The following ANO3 variants were observed in gnomAD, a reference collection of about 807,000 sequenced individuals.
ANO3 encodes the protein anoctamin 3.
A neutral mutation model predicts 144.8 loss-of-function variants in ANO3; 99 were observed. The ratio of observed to expected loss-of-function variants is 0.68; its 90% CI spans 0.58 to 0.81. The LOEUF (loss-of-function observed/expected upper bound fraction) is 0.81. ANO3 is among the 30% of genes least tolerant of loss of function. ANO3 has a pLI of 0.00. For missense variants in ANO3, 905 were observed against 1,202.2 expected (o/e 0.75, Z 3.66); for synonymous variants, 414 against 392.6 (o/e 1.05, Z -0.64).
rs542342196 is a variant in ANO3 at position 26,457,526 on chromosome 11, GA to G, written c.314-5500del. 1.6e-4 allele frequency among the ~76,000 whole-genome samples: 24 copies of G among 152,068 alleles called. 1 individual carries two copies. The South Asian group carries it at 5.0e-3, about 32-fold the overall frequency. The stretch of plus-strand genomic sequence containing the variant: ...GTGAATTGAATGCAAACAAAAGGAA[GA>G]AAATATATATTTATGTGTTTGAGTA... On this transcript the variant is annotated intron_variant, in intron 3 of 26. Coordinates refer to ENST00000256737, the MANE Select transcript of ANO3 (RefSeq NM_031418.4).
intron 18 of ANO3, among the ~76,000 whole-genome samples, chr11:26,627,877 T>G (rs10430934): frequency 0.35 from 52,547 of 150,056 alleles, 9,783 homozygotes; most frequent in South Asian, 0.48. Flanking sequence ...ATGTTCTGTT[T>G]AATTTTTGGC....
chr11:26,424,578 C>A (rs900264930), intron 1 of ANO3, among the ~76,000 whole-genome samples: 1 of 152,036 alleles, frequency 6.6e-6, no homozygotes, highest in Non-Finnish European at 1.5e-5. Flanking sequence ...CTTGTTCCCC[C>A]CAAAACTCCA....
At chr11:26,624,228 G>T (rs1265473530) in intron 17 of ANO3, among the ~76,000 whole-genome samples, 2 of 151,618 alleles carry the variant, frequency 1.3e-5, no homozygotes, top group African/African-American at 4.9e-5. Context: ...GATTACAAGT[G>T]TATCTACACA....
At chr11:26,192,768 T>C (rs1481328400) in intron 1 of ANO3, among the ~76,000 whole-genome samples, 2 of 152,162 alleles carry the variant, frequency 1.3e-5, no homozygotes, top group African/African-American at 2.4e-5. Flanking sequence ...GTTTTTAATC[T>C]GTTCTGTCTG....
At chr11:26,360,641 G>A (rs1171228621) in intron 1 of ANO3, among the ~76,000 whole-genome samples, 2 of 152,094 alleles carry the variant, frequency 1.3e-5, no homozygotes, top group Non-Finnish European at 2.9e-5. Context: ...GCTTTCTATG[G>A]TGAATTATAT....
intron 6 of ANO3, among the ~76,000 whole-genome samples, chr11:26,517,370 T>A (rs1236681956): frequency 6.6e-6 from 1 of 152,030 alleles, no homozygotes; most frequent in East Asian, 1.9e-4. Flanking sequence ...GTTTCTTAAT[T>A]CTGTCCTCAA....
At chr11:26,413,307 C>CT (rs913029018) in intron 1 of ANO3, among the ~76,000 whole-genome samples, 72 of 147,902 alleles carry the variant, frequency 4.9e-4, no homozygotes, top group South Asian at 1.9e-3. Flanking sequence ...GACATTACTT[C>CT]TTTTTTTTTT....
intron 1 of ANO3, among the ~76,000 whole-genome samples, chr11:26,221,877 G>T (rs1296492980): frequency 2.0e-5 from 3 of 152,114 alleles, no homozygotes; most frequent in Non-Finnish European, 4.4e-5. Context: ...CCACCTCCAT[G>T]ACCTAAATAC....
intron 4 of ANO3, among the ~76,000 whole-genome samples, chr11:26,488,767 A>G (rs144801852): frequency 2.7e-4 from 41 of 152,302 alleles, no homozygotes; most frequent in African/African-American, 9.4e-4. Flanking sequence ...AGCAGCAGCA[A>G]CATTTATCAT....
chr11:26,401,903 T>C (rs1168630197), intron 1 of ANO3, among the ~76,000 whole-genome samples: 1 of 152,016 alleles, frequency 6.6e-6, no homozygotes, highest in African/African-American at 2.4e-5. Context: ...TTCTTGCTGT[T>C]CTGAAATAAA....
chr11:26,457,334 G>GAA (rs57184880), intron 3 of ANO3, among the ~76,000 whole-genome samples: 15,320 of 145,162 alleles, frequency 0.11, 1,006 homozygotes, highest in Non-Finnish European at 0.15. Flanking sequence ...TTTTGACTCT[G>GAA]AAAAAAAAAA....
chr11:26,401,738 A>G (rs10767525), intron 1 of ANO3, among the ~76,000 whole-genome samples: 96,525 of 151,772 alleles, frequency 0.64, 33,380 homozygotes, highest in Admixed American at 0.78. Flanking sequence ...TTAGCCGGAC[A>G]TGGTGGCACA....
Position 26,522,216 on chromosome 11 carries a change from A to AC in ANO3, c.693-3419_693-3418insC, listed in dbSNP as rs111327138. Reference sequence around the variant, plus strand: ...ACAAACAGCAACAACAACAACAACAAAAAAAAAACATTAAGAGCAATCATT... The same window carrying AC: ...ACAAACAGCAACAACAACAACAACAACAAAAAAAACATTAAGAGCAATCATT... On this transcript the variant is annotated intron_variant, in intron 6 of 26. Coordinates refer to ENST00000256737, the MANE Select transcript of ANO3 (RefSeq NM_031418.4). Among the ~76,000 whole-genome samples, 607 of 150,316 alleles carry AC rather than the reference A, an allele frequency of 4.0e-3. 2 individuals are homozygous for AC. Among genetic ancestry groups the AC allele is most frequent in the Middle Eastern group, 6.8e-3 (2 of 294 alleles).
intron 1 of ANO3, among the ~76,000 whole-genome samples, chr11:26,279,693 G>A (rs1327570001): frequency 4.6e-5 from 7 of 152,154 alleles, no homozygotes; most frequent in Non-Finnish European, 7.3e-5. Flanking sequence ...GGGTCTCCCA[G>A]GGAACCAGAA....
rs768351765 is a variant in ANO3 at position 26,559,770 on chromosome 11, G to T, written c.1438G>T (p.Ala480Ser). 3 of 1,595,172 alleles carry T rather than the reference G, an allele frequency of 1.9e-6. No homozygotes were observed. The highest frequency in any genetic ancestry group is 2.2e-5 in the South Asian group (2 of 90,696). Residue 480 changes from alanine (A) to serine (S), a missense_variant, in exon 14 of 27, where the codon GCA becomes TCA. Transcript: ENST00000256737. ...GGTVFFAIFM[A>S]IWATVFLEFW... ...GACAGTCTTCTTTGCTATTTTTATG[G>T]CAATATGGGGTAAGTACTTTCTTCA... is the stretch of plus-strand genomic sequence containing the variant.
chr11:26,588,032 A>G lies in ANO3; in HGVS notation c.1448-10333A>G, dbSNP rs185427734. Among the ~76,000 whole-genome samples, 50 of 151,942 alleles carry G rather than the reference A, an allele frequency of 3.3e-4. 1 individual carries two copies. The highest frequency in any genetic ancestry group is 3.4e-3 in the Middle Eastern group (1 of 290). On this transcript the variant is annotated intron_variant, in intron 14 of 26. Coordinates refer to ENST00000256737, the MANE Select transcript of ANO3 (RefSeq NM_031418.4). ...CATATAATCTTTTTAATCACTGATT[A>G]TTTAAAAAATTATTTTCTGTAATTT... is the stretch of plus-strand genomic sequence containing the variant.
chr11:26,246,289 A>G (rs1852792185), intron 1 of ANO3, among the ~76,000 whole-genome samples: 1 of 152,100 alleles, frequency 6.6e-6, no homozygotes, highest in Non-Finnish European at 1.5e-5. Context: ...ATATATTTTC[A>G]ATTATTATTT....
At chr11:26,467,757 A>T (rs1859650749) in intron 4 of ANO3, among the ~76,000 whole-genome samples, 1 of 151,326 alleles carries the variant, frequency 6.6e-6, no homozygotes, top group African/African-American at 2.4e-5. Context: ...GAGTGCAGAT[A>T]TTTCTTTTAT....
intron 1 of ANO3, among the ~76,000 whole-genome samples, chr11:26,370,657 T>A (rs1359773241): frequency 6.6e-6 from 1 of 152,180 alleles, no homozygotes; most frequent in Non-Finnish European, 1.5e-5. Flanking sequence ...TAGAGACTTT[T>A]TGAATGGCTT....
Sources: gnomAD v4.1 joint callset for allele counts (sites outside exome capture counted in the v4.1 genomes callset) on GRCh38, gnomAD v4.1.1 for gene constraint, MANE v1.5 for transcripts, NCBI Gene and HGNC (gene_info 2026-07-23, HGNC 2026-07-21) for gene names.